The following MCM7 variants were observed in gnomAD, a reference collection of about 807,000 sequenced individuals.
The protein encoded by MCM7 is minichromosome maintenance complex component 7.
A neutral mutation model predicts 83.5 loss-of-function variants in MCM7; 95 were observed. The ratio of observed to expected loss-of-function variants is 1.14; its 90% CI spans 0.96 to 1.35. The LOEUF (loss-of-function observed/expected upper bound fraction) is 1.35, where lower values mean the gene tolerates loss of function less well. MCM7 is among the 40% of genes most tolerant of loss of function. The pLI is 0.00. For missense variants in MCM7, 1,087 were observed against 957.4 expected (o/e 1.14, Z -1.79); for synonymous variants, 461 against 352.7 (o/e 1.31, Z -3.44).
chr7:100,095,442 G>A lies in MCM7; in HGVS notation c.1624C>T (p.Gln542Ter). The A allele has an allele frequency of 2.5e-6, 4 of 1,614,122 alleles. No individual in the cohort carries two copies. The highest frequency in any genetic ancestry group is 1.1e-5 in the South Asian group (1 of 91,044). Residue 542 changes from glutamine (Q) to a stop codon, truncating the protein, a stop_gained, in exon 12 of 15, where the codon CAG (glutamine) becomes TAG (stop). Coordinates refer to ENST00000303887, the MANE Select transcript of MCM7 (RefSeq NM_005916.5). LOFTEE classifies it high-confidence loss of function. The part of the protein sequence containing the change: ...RLAQHITYVH[Q>*]HSRQPPSQFE... ...TGGGAGGGGGGCTGCCGGCTGTGCT[G>A]GTGCACATAGGTGATGTGCTGGGCC...
At chr7:100,098,037 G>T in intron 7 of MCM7, 89 bp from the exon 8 acceptor site, 1 of 1,573,406 alleles carries the variant, frequency 6.4e-7, no homozygotes, top group African/African-American at 1.3e-5. Context: ...AAATCCCTGG[G>T]TTCTGTTTTG....
In MCM7 at chr7:100,097,389, A is replaced by C. The variant is rs903714386; in HGVS notation, c.1118-5T>G. 1.2e-6 allele frequency: 2 copies of C among 1,613,840 alleles called. No individual in the cohort carries two copies. Among genetic ancestry groups the C allele is most frequent in the African/African-American group, 2.7e-5 (2 of 74,928 alleles). ...TCAGACAGATGTTGATGTTGCCTGG[A>C]GGAAGGGAAGGCAGCCCTGGAATGA... is the stretch of plus-strand genomic sequence containing the variant. On this transcript the variant is annotated splice_region_variant and splice_polypyrimidine_tract_variant and intron_variant, in intron 9 of 14. Transcript: ENST00000303887.
rs750677044 is a variant in MCM7, at chr7:100,093,532, C to G, written c.1849-131G>C. 6 of 843,026 alleles carry G rather than the reference C, an allele frequency of 7.1e-6. No homozygotes were observed. In the Admixed American group the frequency reaches 1.0e-4, roughly 14 times the overall value. 52.2% of individuals were successfully genotyped at this position (843,026 alleles called of 1,614,324 possible). On this transcript the variant is annotated intron_variant, in intron 13 of 14. Coordinates refer to ENST00000303887, the MANE Select transcript of MCM7 (RefSeq NM_005916.5). Reference sequence around the variant, plus strand: ...CTACTCACAAAACAGGAGTGGAATCCCCCCTCCCCCCAGCATCCGCAGTGT... The same window carrying G: ...CTACTCACAAAACAGGAGTGGAATCGCCCCTCCCCCCAGCATCCGCAGTGT...
intron 12 of MCM7, among the ~76,000 whole-genome samples, chr7:100,095,128 G>C (rs1389013657): frequency 6.6e-6 from 1 of 152,186 alleles, no homozygotes; most frequent in Non-Finnish European, 1.5e-5. Context: ...GCAGAGAGCT[G>C]AGATCACTAC....
rs747919264 is a variant in MCM7 at position 100,095,482 on chromosome 7, G to A, written c.1596-12C>T. The A allele has an allele frequency of 5.6e-6, 9 of 1,612,754 alleles. No individual in the cohort carries two copies. Among genetic ancestry groups the A allele is most frequent in the Non-Finnish European group, 7.6e-6 (9 of 1,179,040 alleles). On this transcript the variant is annotated splice_polypyrimidine_tract_variant and intron_variant, in intron 11 of 14. Transcript: ENST00000303887. ...TGTGCTGGGCCAACCTGGACAGAGG[G>A]AAGGTTAGAAGGAACACCCTTTTTA...
At chr7:100,096,752 G>A (rs1795654754) in intron 10 of MCM7, among the ~76,000 whole-genome samples, 1 of 151,902 alleles carries the variant, frequency 6.6e-6, no homozygotes, top group Non-Finnish European at 1.5e-5. Flanking sequence ...TCCAGTCTGG[G>A]TGACTGAGAC....
At chr7:100,100,680 C>T (rs1795945622) in intron 1 of MCM7, 1 of 990,196 alleles carries the variant, frequency 1.0e-6, no homozygotes. Context: ...GAGCGAAGCT[C>T]CGGATCCCAG....
chr7:100,099,518 T>C, intron 3 of MCM7, 71 bp downstream of exon 3: 1 of 1,593,178 alleles, frequency 6.3e-7, no homozygotes, highest in East Asian at 2.2e-5. Context: ...AAAACATCAG[T>C]ATCTGAGCAG....
intron 1 of MCM7, chr7:100,100,771 T>C: frequency 2.0e-6 from 2 of 991,992 alleles, no homozygotes; most frequent in Non-Finnish European, 2.4e-6. Flanking sequence ...TCCAGCCTCC[T>C]CGCGCCACTT....
intron 13 of MCM7, chr7:100,093,638 C>G (rs368521279): frequency 1.3e-6 from 1 of 748,416 alleles, no homozygotes; most frequent in South Asian, 1.4e-5. Flanking sequence ...CCTCTCAACA[C>G]TGGCCAGTCC....
rs746821798 is a variant in MCM7, at chr7:100,097,567, C to T, written c.1117+47G>A. The T allele has an allele frequency of 3.7e-6, 6 of 1,610,734 alleles. No homozygotes were observed. In the South Asian group the frequency reaches 4.4e-5, roughly 12 times the overall value. On this transcript the variant is annotated intron_variant, in intron 9 of 14. Coordinates refer to ENST00000303887, the MANE Select transcript of MCM7 (RefSeq NM_005916.5). The stretch of plus-strand genomic sequence containing the variant: ...GGGACACTTGTCATCCTTTTTTCCT[C>T]CTAAATGACTTCATCCACCCTGAGC...
intron 1 of MCM7, chr7:100,100,508 C>G: frequency 1.0e-6 from 1 of 1,003,702 alleles, no homozygotes. Context: ...CCCCCGCTCC[C>G]GCCATCGCTT....
intron 10 of MCM7, 38 bp downstream of exon 10, chr7:100,097,263 G>C (rs1317426389): frequency 1.3e-6 from 2 of 1,568,182 alleles, no homozygotes; most frequent in Middle Eastern, 3.3e-4. Context: ...GGTCCTGTCT[G>C]TCACTATATT....
In MCM7 at chr7:100,099,142, C is replaced by T; in HGVS notation, c.463G>A (p.Asp155Asn). ...ACAGTTACCAACTTCCCCACAGAGT[C>T]AGCCCGCACTTCCCGGATCACACGA... ...KPRVIREVRA[D>N]SVGKLVTVRG... Residue 155 changes from aspartate (D) to asparagine (N), a missense_variant, in exon 5 of 15, where the codon GAC becomes AAC. Coordinates refer to ENST00000303887, the MANE Select transcript of MCM7 (RefSeq NM_005916.5). 1 of 1,614,170 alleles carries T rather than the reference C, an allele frequency of 6.2e-7. No individual in the cohort carries two copies. The highest frequency in any genetic ancestry group is 8.5e-7 in the Non-Finnish European group (1 of 1,180,036).
intron 9 of MCM7, 91 bp downstream of exon 9, chr7:100,097,523 A>G (rs1795702602): frequency 6.3e-7 from 1 of 1,593,810 alleles, no homozygotes; most frequent in Non-Finnish European, 8.6e-7. Context: ...CAAGATGTCC[A>G]CTCATACTGT....
At position 100,099,040 on chromosome 7, in the gene MCM7, C is replaced by A. The variant is rs758877589; in HGVS notation, c.565G>T (p.Ala189Ser). Residue 189 changes from alanine (A) to serine (S), a missense_variant, in exon 5 of 15, where the codon GCA (alanine) becomes TCA (serine). Coordinates refer to ENST00000303887, the MANE Select transcript of MCM7 (RefSeq NM_005916.5). ...ACACGTACCGGCTGGTAGGTCTCTG[C>A]CCCACACTGGTCACAAGTGTAAGTG... is the stretch of plus-strand genomic sequence containing the variant. ...VATYTCDQCG[A>S]ETYQPIQSPT... The A allele has an allele frequency of 6.8e-6, 11 of 1,614,202 alleles. No individual in the cohort carries two copies. The Admixed American group carries it at 1.8e-4, about 27-fold the overall frequency.
At chr7:100,099,873 C>A in intron 2 of MCM7, 120 bp from the exon 3 acceptor site, 1 of 1,444,008 alleles carries the variant, frequency 6.9e-7, no homozygotes, top group Middle Eastern at 1.8e-4. Flanking sequence ...CAGGGGAGAA[C>A]GCAGCGCCAC....
chr7:100,095,645 C>T (rs1795588848), intron 11 of MCM7, 129 bp downstream of exon 11: 1 of 1,370,494 alleles, frequency 7.3e-7, no homozygotes, highest in Non-Finnish European at 9.9e-7. Context: ...GAACCATGGA[C>T]CAGCCCCTGC....
chr7:100,097,434 C>G, intron 9 of MCM7, 50 bp from the exon 10 acceptor site: 1 of 1,601,684 alleles, frequency 6.2e-7, no homozygotes, highest in Non-Finnish European at 8.6e-7. Context: ...CAGTGCTTGG[C>G]CAACAACAGA....
Sources: gnomAD v4.1 joint callset for allele counts (sites outside exome capture counted in the v4.1 genomes callset) on GRCh38, gnomAD v4.1.1 for gene constraint, MANE v1.5 for transcripts, NCBI Gene and HGNC (gene_info 2026-07-23, HGNC 2026-07-21) for gene names.